Variants in NSL1 observed in about 807,000 individuals in gnomAD.
NSL1 encodes kinetochore-associated protein NSL1 homolog.
In NSL1, 11 loss-of-function variants were observed where a neutral mutation model predicts 25.4. That is an observed-to-expected ratio of 0.43 (90% confidence interval 0.27 to 0.72). The LOEUF (loss-of-function observed/expected upper bound fraction) is 0.72, where lower values mean the gene tolerates loss of function less well. Ranked by LOEUF, NSL1 falls within the 30% of genes least tolerant of loss-of-function variation. The pLI is 0.19. For missense variants in NSL1, 330 were observed against 342.7 expected (o/e 0.96, Z 0.29); for synonymous variants, 118 against 120.6 (o/e 0.98, Z 0.14).
chr1:212,791,491 G>A lies in NSL1; in HGVS notation c.234+39C>T, dbSNP rs778224722. 4.5e-6 allele frequency: 7 copies of A among 1,548,202 alleles called. No homozygotes were observed. In the Admixed American group the frequency reaches 6.9e-5, roughly 15 times the overall value. On this transcript the variant is annotated intron_variant, in intron 1 of 5. Transcript: ENST00000366977. ...TCCTAAGATCCTGGGTGTTGGGTAA[G>A]AGGATGATGAGTAAAGAACTGGCTA...
chr1:212,748,054 C>T (rs566121138), intron 4 of NSL1, among the ~76,000 whole-genome samples: 1 of 152,352 alleles, frequency 6.6e-6, no homozygotes, highest in Non-Finnish European at 1.5e-5. Flanking sequence ...GTATGAGCCA[C>T]TGTGACCAGC....
At chr1:212,772,684 GAAAA>G (rs577277787) in intron 4 of NSL1, among the ~76,000 whole-genome samples, 2,531 of 135,904 alleles carry the variant, frequency 0.019, 28 homozygotes, top group Non-Finnish European at 0.028. Context: ...CTCAAAAAAA[GAAAA>G]AAAGAAAGAA....
intron 4 of NSL1, among the ~76,000 whole-genome samples, chr1:212,772,197 CT>C (rs1475860625): frequency 6.6e-6 from 1 of 152,148 alleles, no homozygotes; most frequent in Non-Finnish European, 1.5e-5. Flanking sequence ...TCAGGTATGT[CT>C]TTGTCAGCAG....
At position 212,732,423 on chromosome 1, in the gene NSL1, C is replaced by T. The variant is rs1426528117; in HGVS notation, c.*5985G>A. 2.5e-6 allele frequency: 1 copy of T among 396,944 alleles called. No homozygotes were observed. Among genetic ancestry groups the T allele is most frequent in the African/African-American group, 2.2e-5 (1 of 45,700 alleles). 24.6% of individuals were successfully genotyped at this position (396,944 alleles called of 1,614,324 possible). ...TGCCTCCTGGGTTCAAGCGATTCTC[C>T]AGCCTCAGCCTCCTGAGTAGCTGGG... On this transcript the variant is annotated 3_prime_UTR_variant, in exon 6 of 6. Coordinates refer to ENST00000366977, the MANE Select transcript of NSL1 (RefSeq NM_015471.4).
intron 2 of NSL1, among the ~76,000 whole-genome samples, chr1:212,785,603 G>A (rs1041018184): frequency 1.3e-5 from 2 of 152,108 alleles, no homozygotes; most frequent in East Asian, 3.9e-4. Flanking sequence ...TGGTTTTCAG[G>A]AGTACAGAAT....
chr1:212,751,885 C>T (rs1659081281), intron 4 of NSL1, among the ~76,000 whole-genome samples: 1 of 152,078 alleles, frequency 6.6e-6, no homozygotes, highest in South Asian at 2.1e-4. Flanking sequence ...TGAATTTTTT[C>T]ACATTTTGCA....
intron 4 of NSL1, among the ~76,000 whole-genome samples, chr1:212,747,106 C>A (rs1658831324): frequency 3.3e-5 from 5 of 149,838 alleles, no homozygotes. Flanking sequence ...GATCGCACTG[C>A]ACTCCAGCCT....
rs1209586180 is a variant in NSL1 at position 212,738,679 on chromosome 1, G to A, written c.575C>T (p.Pro192Leu). 4 of 1,611,856 alleles carry A rather than the reference G, an allele frequency of 2.5e-6. No homozygotes were observed. The Admixed American group carries it at 5.0e-5, about 20-fold the overall frequency. ...TCCCTCTCCTTGTTCAATTAATGCA[G>A]GCAAGGACTTCAAACAAACAAACAG... is the stretch of plus-strand genomic sequence containing the variant. ...KEISEAMKSLPALIEQGEGFS... is the reference protein window; with the variant it reads ...KEISEAMKSLLALIEQGEGFS... Residue 192 changes from proline to leucine, a missense_variant, in exon 6 of 6, where the codon CCT (proline) becomes CTT (leucine). Physicochemically the swap from Pro to Leu is moderately conservative, Grantham distance 98. Coordinates refer to ENST00000366977, the MANE Select transcript of NSL1 (RefSeq NM_015471.4).
At position 212,730,947 on chromosome 1, in the gene NSL1, T is replaced by C. The variant is rs1334965293; in HGVS notation, c.*7461A>G. On this transcript the variant is annotated 3_prime_UTR_variant, in exon 6 of 6. Transcript: ENST00000366977. ...GTTAGAAATTTGCAATATGAACTCA[T>C]TCATTCAACGAATATTAGTTTACAG... is the stretch of plus-strand genomic sequence containing the variant. The C allele has an allele frequency of 8.1e-6, 8 of 985,312 alleles. No homozygotes were observed. Among genetic ancestry groups the C allele is most frequent in the Non-Finnish European group, 9.6e-6 (8 of 829,932 alleles). 61.0% of individuals were successfully genotyped at this position (985,312 alleles called of 1,614,324 possible).
Position 212,728,518 on chromosome 1 carries a change from T to G in NSL1, c.*9890A>C. The G allele has an allele frequency of 2.0e-6, 2 of 985,454 alleles. No homozygotes were observed. Among genetic ancestry groups the G allele is most frequent in the Non-Finnish European group, 2.4e-6 (2 of 829,932 alleles). The allele number at this position is 985,454 out of a possible 1,614,324, so 61.0% of individuals were successfully genotyped here. On this transcript the variant is annotated 3_prime_UTR_variant, in exon 6 of 6. Coordinates refer to ENST00000366977, the MANE Select transcript of NSL1 (RefSeq NM_015471.4). ...TGAGCTCATATAGCTGGAACAAATC[T>G]GACATTGTTGGTTTGTTCAAACAAT...
In NSL1 at chr1:212,760,065, G is replaced by A. The variant is rs889985914; in HGVS notation, c.500-20464C>T. Among the ~76,000 whole-genome samples the A allele has an allele frequency of 1.3e-5, 2 of 151,970 alleles. No individual in the cohort carries two copies. The highest frequency in any genetic ancestry group is 4.8e-5 in the African/African-American group (2 of 41,348). On this transcript the variant is annotated intron_variant, in intron 4 of 5. Transcript: ENST00000366977. The surrounding 1 kb of genome is among the most constrained non-coding windows in gnomAD (Gnocchi z 4.3). ...GCACATCAAGACAACAGACCACCAAGACAACAGACCATCGCCAGTGCCCAA... is the reference window on the plus strand; with the variant it reads ...GCACATCAAGACAACAGACCACCAAAACAACAGACCATCGCCAGTGCCCAA...
chr1:212,785,143 A>G (rs2102404868), intron 2 of NSL1, among the ~76,000 whole-genome samples: 1 of 152,326 alleles, frequency 6.6e-6, no homozygotes, highest in South Asian at 2.1e-4. Flanking sequence ...ACTGACCCAA[A>G]GCTATGACAG....
intron 4 of NSL1, among the ~76,000 whole-genome samples, chr1:212,756,890 C>A (rs1659338030): frequency 6.6e-6 from 1 of 151,966 alleles, no homozygotes; most frequent in Non-Finnish European, 1.5e-5. Flanking sequence ...AGGGAGCTTA[C>A]AATACTGTGG....
chr1:212,732,613 C>A lies in NSL1; in HGVS notation c.*5795G>T. The A allele has an allele frequency of 1.0e-6, 1 of 985,320 alleles. No homozygotes were observed. Among genetic ancestry groups the A allele is most frequent in the Middle Eastern group, 5.2e-4 (1 of 1,914 alleles). 61.0% of individuals were successfully genotyped at this position (985,320 alleles called of 1,614,324 possible). A position where few individuals can be genotyped will look rare whatever the true frequency, so the allele number is the denominator to read the frequency against. ...CCGGCCTACATAGTCTTATTCCAAC[C>A]TGGTCTGCCTAGTCTCCAAATCTGC... On this transcript the variant is annotated 3_prime_UTR_variant, in exon 6 of 6. Coordinates refer to ENST00000366977, the MANE Select transcript of NSL1 (RefSeq NM_015471.4).
At position 212,727,027 on chromosome 1, in the gene NSL1, T is replaced by G; in HGVS notation, c.*11381A>C. 1 of 1,374,264 alleles carries G rather than the reference T, an allele frequency of 7.3e-7. No homozygotes were observed. Among genetic ancestry groups the G allele is most frequent in the Non-Finnish European group, 9.9e-7 (1 of 1,011,710 alleles). The allele number at this position is 1,374,264 out of a possible 1,614,324, so 85.1% of individuals were successfully genotyped here. On this transcript the variant is annotated 3_prime_UTR_variant, in exon 6 of 6. Transcript: ENST00000366977. ...CCTCCAGTCCAGTCTACTCCGGCCT[T>G]GGAGATGACTGCCGAGAGAGGGAGG...
At chr1:212,768,657 T>C (rs1414868993) in intron 4 of NSL1, among the ~76,000 whole-genome samples, 2 of 152,142 alleles carry the variant, frequency 1.3e-5, no homozygotes, top group African/African-American at 4.8e-5. Flanking sequence ...CATTTATAAG[T>C]GGGAGCTAAG....
At position 212,784,301 on chromosome 1, in the gene NSL1, ATATTT is replaced by A. The variant is rs937867983; in HGVS notation, c.444+57_444+61del. 122 of 1,178,720 alleles carry A rather than the reference ATATTT, an allele frequency of 1.0e-4. 1 individual carries two copies. The highest frequency in any genetic ancestry group is 1.4e-4 in the Non-Finnish European group (116 of 827,906). The allele number at this position is 1,178,720 out of a possible 1,614,324, so 73.0% of individuals were successfully genotyped here. A position where few individuals can be genotyped will look rare whatever the true frequency, so the allele number is the denominator to read the frequency against. ...GTCACTTATCTCCACGTAGAGCCTTATATTTTAATGTTTTTATTGTGGTAAAATAT... is the reference window on the plus strand; with the variant it reads ...GTCACTTATCTCCACGTAGAGCCTTATAATGTTTTTATTGTGGTAAAATAT... On this transcript the variant is annotated intron_variant, in intron 3 of 5. Transcript: ENST00000366977.
chr1:212,757,491 C>T (rs979691714), intron 4 of NSL1, among the ~76,000 whole-genome samples: 1 of 152,148 alleles, frequency 6.6e-6, no homozygotes, highest in Non-Finnish European at 1.5e-5. Flanking sequence ...GCTCACAGTT[C>T]GGCAGGCTGT....
At chr1:212,744,793 GT>G (rs1250507906) in intron 4 of NSL1, among the ~76,000 whole-genome samples, 1 of 152,114 alleles carries the variant, frequency 6.6e-6, no homozygotes, top group Non-Finnish European at 1.5e-5. Flanking sequence ...GAACTTGAAG[GT>G]AGGCCAAATG....
Sources: allele counts gnomAD v4.1 joint callset (sites outside exome capture counted in the v4.1 genomes callset), GRCh38; gene constraint gnomAD v4.1.1; non-coding constraint Gnocchi (gnomAD v3.1); transcripts MANE v1.5; gene names NCBI Gene and HGNC (gene_info 2026-07-23, HGNC 2026-07-21).